RDH13: variants seen among roughly 807,000 people sequenced by gnomAD.
The protein encoded by RDH13 is retinol dehydrogenase 13.
Under a neutral mutation model 28.3 loss-of-function variants are expected in RDH13, and 35 were observed. The ratio of observed to expected loss-of-function variants is 1.24; its 90% confidence interval spans 0.95 to 1.64. The LOEUF (loss-of-function observed/expected upper bound fraction) is 1.64. Among genes scored for constraint, RDH13 ranks in the 40% most tolerant of loss-of-function variants. The pLI is 0.00. For synonymous variants in RDH13, 229 were observed against 198.5 expected, an observed-to-expected ratio of 1.15 and a Z score of -1.29; for missense variants, 514 against 446.3, an observed-to-expected ratio of 1.15 and a Z score of -1.37.
At chr19:55,066,784 C>T (rs952962429), upstream of RDH13, among the ~76,000 whole-genome samples, 2 of 151,844 alleles carry the variant, frequency 1.3e-5, no homozygotes, top group African/African-American at 4.8e-5. Flanking sequence ...CTACACACAT[C>T]TTAAGAGGCC....
chr19:55,068,760 C>G (rs1285597211), intron 1 of RDH13: 2 of 132,342 alleles, frequency 1.5e-5, no homozygotes, highest in African/African-American at 5.8e-5. Context: ...GGCGTGAACC[C>G]GGGAGGCGGA....
intron 1 of RDH13, chr19:55,068,791 G>A (rs1417856497): frequency 7.7e-6 from 1 of 130,108 alleles, no homozygotes; most frequent in South Asian, 2.6e-4. Flanking sequence ...AGCCGAGATC[G>A]CGCCACTGCA....
chr19:55,049,355 T>C (rs1046313694), intron 3 of RDH13, among the ~76,000 whole-genome samples: 1 of 152,088 alleles, frequency 6.6e-6, no homozygotes, highest in Non-Finnish European at 1.5e-5. Flanking sequence ...ACCTCACTCA[T>C]ACAAGCAACC....
chr19:55,045,454 T>G (rs2075190790), intron 6 of RDH13, 145 bp from the exon 7 acceptor site: 118 of 590,426 alleles, frequency 2.0e-4, no homozygotes, highest in Middle Eastern at 4.6e-4. Flanking sequence ...CCATCTGCAG[T>G]TCCCTTCCCT....
chr19:55,062,871 T>A, intron 1 of RDH13, 97 bp downstream of exon 1: 2 of 1,108,940 alleles, frequency 1.8e-6, no homozygotes, highest in South Asian at 2.0e-5. Flanking sequence ...CTACGGGGCC[T>A]GGACCCGGGT....
chr19:55,055,708 C>CTGTGTG (rs549748225), intron 3 of RDH13, among the ~76,000 whole-genome samples: 6 of 151,538 alleles, frequency 4.0e-5, no homozygotes, highest in African/African-American at 1.2e-4. Context: ...CAATAATTAG[C>CTGTGTG]TGTGTGTGGT....
At chr19:55,042,688 T>G (rs984781919), downstream of RDH13, 1 of 152,186 alleles carries the variant, frequency 6.6e-6, no homozygotes, top group Non-Finnish European at 1.5e-5. Flanking sequence ...CCTCCTGGTA[T>G]TTACACCCTG....
intron 2 of RDH13, among the ~76,000 whole-genome samples, chr19:55,057,435 CTTTT>C (rs35843215): frequency 2.9e-5 from 4 of 136,956 alleles, no homozygotes; most frequent in African/African-American, 8.1e-5. Flanking sequence ...CCATCCTCTC[CTTTT>C]TTTTTTTTTT....
rs949135791 is a variant in RDH13 at position 55,056,689 on chromosome 19, T to C, written c.304A>G (p.Lys102Glu). The change falls in exon 3 of 7, where the codon AAG becomes GAG. Residue 102 changes from lysine (K) to glutamate (E), a missense_variant. Lys to Glu is a moderately conservative substitution (Grantham distance 56). Coordinates refer to ENST00000415061, the MANE Select transcript of RDH13 (RefSeq NM_001145971.2). ...TTTGCTGCAAACTCTCGGATAGACT[T>C]GAGGGAAGCCAAGTCCAGGTGCCGG... ...NARHLDLASL[K>E]SIREFAAKII... 10 of 1,614,052 alleles carry C rather than the reference T, an allele frequency of 6.2e-6. No homozygotes were observed. Among genetic ancestry groups the C allele is most frequent in the South Asian group, 1.1e-5 (1 of 91,060 alleles).
upstream of RDH13, among the ~76,000 whole-genome samples, chr19:55,064,696 T>C (rs1180429323): frequency 6.6e-6 from 1 of 150,852 alleles, no homozygotes. Context: ...CACTGCAACC[T>C]CTGCCTCCTA....
At chr19:55,054,216 T>C (rs557921433) in intron 3 of RDH13, among the ~76,000 whole-genome samples, 107 of 152,304 alleles carry the variant, frequency 7.0e-4, no homozygotes, top group Middle Eastern at 6.8e-3. Flanking sequence ...CCCCATTCCT[T>C]GTTCATTTCC....
rs374868677 is a variant in RDH13 at position 55,047,492 on chromosome 19, G to C, written c.659-4C>G. On this transcript the variant is annotated splice_polypyrimidine_tract_variant and splice_region_variant and intron_variant, in intron 5 of 6. Transcript: ENST00000415061. ...GCGTTGACAGTCACACCAGAGCCTG[G>C]GGAAGAAAGAAAGAGAAGACTGAGG... 35 of 1,603,446 alleles carry C rather than the reference G, an allele frequency of 2.2e-5. No homozygotes were observed. In the African/African-American group the frequency reaches 4.3e-4, roughly 20 times the overall value.
chr19:55,059,252 C>A lies in RDH13; in HGVS notation c.89G>T (p.Cys30Phe). 1 of 1,601,646 alleles carries A rather than the reference C, an allele frequency of 6.2e-7. No individual in the cohort carries two copies. ...LLKDYVTGGA[C>F]PSKATIPGKT... ...CCCAGGGATGGTGGCCTTGCTGGGG[C>A]AAGCCCCACCGGTGACATAGTCCCT... The change falls in exon 2 of 7, where the codon TGC becomes TTC. Residue 30 changes from cysteine to phenylalanine, a missense_variant. Physicochemically the swap from Cys to Phe is radical, Grantham distance 205. Transcript: ENST00000415061.
intron 2 of RDH13, among the ~76,000 whole-genome samples, chr19:55,057,435 CTTTTTT>C (rs35843215): frequency 5.8e-5 from 8 of 136,962 alleles, no homozygotes; most frequent in African/African-American, 8.1e-5. Flanking sequence ...CCATCCTCTC[CTTTTTT>C]TTTTTTTTTT....
chr19:55,047,537 G>A, intron 5 of RDH13, 49 bp from the exon 6 acceptor site: 1 of 1,553,276 alleles, frequency 6.4e-7, no homozygotes, highest in East Asian at 2.3e-5. Context: ...AGCCTCACCT[G>A]GGAGGCTGTG....
At chr19:55,048,235 C>A in intron 5 of RDH13, 94 bp downstream of exon 5, 1 of 1,571,532 alleles carries the variant, frequency 6.4e-7, no homozygotes, top group Non-Finnish European at 8.6e-7. Context: ...TGTTCTGGAT[C>A]CACCGTTTGG....
intron 3 of RDH13, among the ~76,000 whole-genome samples, chr19:55,049,729 C>T (rs2075365187): frequency 6.7e-6 from 1 of 148,842 alleles, no homozygotes; most frequent in Non-Finnish European, 1.5e-5. Flanking sequence ...GCAGAGGGTG[C>T]AGTGAGCCGA....
At position 55,050,606 on chromosome 19, in the gene RDH13, C is replaced by T. The variant is rs74776400; in HGVS notation, c.341-1843G>A. 1,207 of 152,200 alleles carry T rather than the reference C, an allele frequency of 7.9e-3. 6 individuals are homozygous for T. The highest frequency in any genetic ancestry group is 0.012 in the Non-Finnish European group (845 of 68,038). The allele number at this position is 152,200 out of a possible 1,614,324, so 9.4% of individuals were successfully genotyped here. On this transcript the variant is annotated intron_variant, in intron 3 of 6. Coordinates refer to ENST00000415061, the MANE Select transcript of RDH13 (RefSeq NM_001145971.2). The stretch of plus-strand genomic sequence containing the variant: ...CCCAGCTAGCACGTCTGTTTCTGTG[C>T]GCAAATCTCCCCTTTTCATAAGGAC...
At chr19:55,065,872 C>A (rs2147091794), upstream of RDH13, among the ~76,000 whole-genome samples, 1 of 152,286 alleles carries the variant, frequency 6.6e-6, no homozygotes, top group Admixed American at 6.5e-5. Context: ...CGCTCGCCGC[C>A]ACACCTGGCT....
Sources: gnomAD v4.1 joint callset for allele counts (sites outside exome capture counted in the v4.1 genomes callset) on GRCh38, gnomAD v4.1.1 for gene constraint, MANE v1.5 for transcripts, NCBI Gene and HGNC (gene_info 2026-07-23, HGNC 2026-07-21) for gene names.